LSM4: variants seen among roughly 807,000 people sequenced by gnomAD.
LSM4 encodes the protein LSM4 homolog, U6 small nuclear RNA and mRNA degradation associated, also known as U6 snRNA-associated Sm-like protein LSm4.
A neutral mutation model predicts 22.3 loss-of-function variants in LSM4; 15 were observed. The observed-to-expected ratio is 0.67, with a 90% CI of 0.45 to 1.03. LSM4 has a LOEUF of 1.03. Among genes scored for constraint, LSM4 ranks in the 50% least tolerant of loss-of-function variants. The pLI, the probability that LSM4 is intolerant of heterozygous loss-of-function variation, is 0.00. For synonymous variants in LSM4, 90 were observed against 79.8 expected, an observed-to-expected ratio of 1.13 and a Z score of -0.68; for missense variants, 127 against 198.0, an observed-to-expected ratio of 0.64 and a Z score of 2.15.
At chr19:18,314,250 C>G (rs982247474) in intron 2 of LSM4, among the ~76,000 whole-genome samples, 4 of 151,722 alleles carry the variant, frequency 2.6e-5, no homozygotes, top group African/African-American at 9.7e-5. Context: ...AAATGTAGGC[C>G]GGGCGTGAGC....
intron 1 of LSM4, among the ~76,000 whole-genome samples, chr19:18,318,850 C>T (rs1970388698): frequency 6.6e-6 from 1 of 152,266 alleles, no homozygotes; most frequent in Non-Finnish European, 1.5e-5. Flanking sequence ...ACCACCTGGT[C>T]TCAGCGACCA....
Position 18,309,813 on chromosome 19 carries a change from T to C in LSM4, c.193A>G (p.Thr65Ala). 6.2e-7 allele frequency: 1 copy of C among 1,613,850 alleles called. No homozygotes were observed. Among genetic ancestry groups the C allele is most frequent in the Non-Finnish European group, 8.5e-7 (1 of 1,179,922 alleles). ...RMPECYIRGS[T>A]IKYLRIPDEI... is the part of the protein sequence containing the mutation. ...TCGGGGATGCGCAGGTACTTGATGG[T>C]GCTGCCGCGGATGTAGCACTCGGGC... Residue 65 changes from threonine to alanine, a missense_variant, in exon 4 of 5, where the codon ACC (threonine) becomes GCC (alanine). Thr to Ala is a moderately conservative substitution (Grantham distance 58). Transcript: ENST00000593829.
chr19:18,312,557 G>T (rs570717345), intron 3 of LSM4, 47 bp downstream of exon 3: 1 of 1,508,110 alleles, frequency 6.6e-7, no homozygotes, highest in Non-Finnish European at 9.2e-7. Flanking sequence ...AGGAGGCTGA[G>T]TGTGCACCCC....
rs1211031220 is a variant in LSM4 at position 18,312,695 on chromosome 19, TCCA to T, written c.50_52del (p.Val17del). 1 of 1,612,840 alleles carries T rather than the reference TCCA, an allele frequency of 6.2e-7. No individual in the cohort carries two copies. Among genetic ancestry groups the T allele is most frequent in the Non-Finnish European group, 8.5e-7 (1 of 1,179,114 alleles). ...ATTGTACGTCTCCCCATTTTTCAGC[TCCA>T]CCAACTAGAAGAGAGACAGGCTAGA... On this transcript the variant is annotated inframe_deletion, in exon 3 of 5. Transcript: ENST00000593829.
At chr19:18,315,612 G>A (rs150674274) in intron 2 of LSM4, among the ~76,000 whole-genome samples, 2,300 of 152,140 alleles carry the variant, frequency 0.015, 69 homozygotes, top group African/African-American at 0.051. Flanking sequence ...TATGATCATA[G>A]CTCACTGCAG....
intron 1 of LSM4, among the ~76,000 whole-genome samples, chr19:18,316,762 A>C (rs1328409273): frequency 3.3e-5 from 5 of 152,046 alleles, no homozygotes; most frequent in Non-Finnish European, 7.4e-5. Context: ...GAACTTGCCC[A>C]GTACTATGGC....
intron 1 of LSM4, among the ~76,000 whole-genome samples, chr19:18,317,552 T>C (rs1326390961): frequency 6.6e-6 from 1 of 152,090 alleles, no homozygotes; most frequent in Non-Finnish European, 1.5e-5. Flanking sequence ...TTTCACCGTG[T>C]TAGCCAGGAT....
chr19:18,307,379 C>T lies in LSM4; in HGVS notation c.*85G>A. The T allele has an allele frequency of 8.8e-7, 1 of 1,141,400 alleles. No homozygotes were observed. Among genetic ancestry groups the T allele is most frequent in the Non-Finnish European group, 1.1e-6 (1 of 879,308 alleles). The allele number at this position is 1,141,400 out of a possible 1,614,324, so 70.7% of individuals were successfully genotyped here. ...GGGTTCCCCCTGGCGCCTGCCTCTT[C>T]CTTTCTGAGCAGATCCGTCCGAGAC... is the stretch of plus-strand genomic sequence containing the variant. On this transcript the variant is annotated 3_prime_UTR_variant, in exon 5 of 5. Coordinates refer to ENST00000593829, the MANE Select transcript of LSM4 (RefSeq NM_012321.5).
At chr19:18,307,788 G>T (rs906206302) in intron 4 of LSM4, among the ~76,000 whole-genome samples, 1 of 3,576 alleles carries the variant, frequency 2.8e-4, no homozygotes, top group Non-Finnish European at 5.1e-4. Flanking sequence ...CAGGGATGCG[G>T]GGGGGGGGGA....
chr19:18,312,875 A>G (rs924424107), intron 2 of LSM4, among the ~76,000 whole-genome samples, 173 bp from the exon 3 acceptor site: 4 of 152,174 alleles, frequency 2.6e-5, no homozygotes, highest in African/African-American at 9.7e-5. Flanking sequence ...TCCGCTAGAC[A>G]CTTCGCTGGC....
At chr19:18,318,657 C>T (rs1970387307) in intron 1 of LSM4, among the ~76,000 whole-genome samples, 1 of 152,250 alleles carries the variant, frequency 6.6e-6, no homozygotes, top group Non-Finnish European at 1.5e-5. Context: ...TCCTGGATCA[C>T]CAGGGAAGGC....
chr19:18,316,226 C>A, intron 1 of LSM4, 161 bp from the exon 2 acceptor site: 1 of 598,418 alleles, frequency 1.7e-6, no homozygotes, highest in Middle Eastern at 4.2e-4. Flanking sequence ...CCTCACTCTG[C>A]CCAGCCCTGG....
At chr19:18,315,075 C>T (rs1359933070) in intron 2 of LSM4, among the ~76,000 whole-genome samples, 7 of 151,940 alleles carry the variant, frequency 4.6e-5, no homozygotes, top group African/African-American at 9.7e-5. Flanking sequence ...TTAGTAGAGA[C>T]GGGGTTTCAC....
At chr19:18,320,888 T>C (rs905426980) in intron 1 of LSM4, among the ~76,000 whole-genome samples, 3 of 152,058 alleles carry the variant, frequency 2.0e-5, no homozygotes, top group African/African-American at 7.2e-5. Context: ...CACAAGAAAA[T>C]TCAGAAAAGA....
intron 3 of LSM4, among the ~76,000 whole-genome samples, chr19:18,311,041 G>A (rs1415222754): frequency 6.6e-6 from 1 of 152,174 alleles, no homozygotes; most frequent in African/African-American, 2.4e-5. Flanking sequence ...GCCTAGCGCT[G>A]GGCGGGGAGG....
At chr19:18,317,335 CTT>C (rs61470544) in intron 1 of LSM4, among the ~76,000 whole-genome samples, 84,552 of 136,714 alleles carry the variant, frequency 0.62, 26,781 homozygotes, top group South Asian at 0.8. Context: ...ACTGGGTTTT[CTT>C]TTTTTTTTTT....
At position 18,307,491 on chromosome 19, in the gene LSM4, CT is replaced by C. The variant is rs777844222; in HGVS notation, c.392del (p.Lys131SerfsTer56). On this transcript the variant is annotated frameshift_variant, in exon 5 of 5. Transcript: ENST00000593829. LOFTEE classifies it high-confidence loss of function. ...ACTGTTTGCCCGCCTGTCTGCCAGG[CT>C]TCTTCTCTGGCTGGCCTCTGCCTGT... Reference protein sequence around the residue: ...PGTGRGQPEKKPGRQAGKQ With the variant: ...PGTGRGQPEKXPGRQAGKQ The C allele has an allele frequency of 6.4e-7, 1 of 1,555,324 alleles. No homozygotes were observed. Among genetic ancestry groups the C allele is most frequent in the South Asian group, 1.2e-5 (1 of 83,716 alleles).
chr19:18,320,072 A>ACTCCCAGGCC (rs1395850547), intron 1 of LSM4, among the ~76,000 whole-genome samples: 6 of 151,890 alleles, frequency 4.0e-5, no homozygotes, highest in Non-Finnish European at 7.4e-5. Flanking sequence ...GAGCTGCCTG[A>ACTCCCAGGCC]CTCCCAGGCC....
At chr19:18,318,070 T>C (rs1035364) in intron 1 of LSM4, among the ~76,000 whole-genome samples, 119,298 of 152,114 alleles carry the variant, frequency 0.78, 46,843 homozygotes, top group South Asian at 0.85. Flanking sequence ...CAGTGCCTCA[T>C]GGGACACAGG....
Sources: gnomAD v4.1 joint callset for allele counts (sites outside exome capture counted in the v4.1 genomes callset) on GRCh38, gnomAD v4.1.1 for gene constraint, MANE v1.5 for transcripts, NCBI Gene and HGNC (gene_info 2026-07-23, HGNC 2026-07-21) for gene names.